The following TRIP12 variants were observed in gnomAD, a reference collection of about 807,000 sequenced individuals.
TRIP12 encodes E3 ubiquitin-protein ligase TRIP12.
TRIP12 carries 25 observed loss-of-function variants against 244.2 expected under a neutral mutation model. The observed-to-expected ratio is 0.10, with a 90% CI of 0.07 to 0.14. The LOEUF is 0.14. TRIP12 is among the 10% of genes least tolerant of loss of function. The probability of loss-of-function intolerance (pLI) is 1.00; values close to 1 mark genes in which losing one functional copy is unlikely to be tolerated. For missense variants in TRIP12, 1,677 were observed against 2,486.4 expected, an observed-to-expected ratio of 0.67 and a Z score of 6.92; for synonymous variants, 905 against 873.1, an observed-to-expected ratio of 1.04 and a Z score of -0.64.
chr2:229,920,959 T>C (rs919652746), intron 1 of TRIP12, among the ~76,000 whole-genome samples: 3 of 152,186 alleles, frequency 2.0e-5, no homozygotes, highest in African/African-American at 7.2e-5. Flanking sequence ...AATCCACATA[T>C]AAATAAATTA....
At chr2:229,867,171 G>GTTTTTTTTTTTTTTTTTTTTTTTTTTTT (rs11335613) in intron 2 of TRIP12, among the ~76,000 whole-genome samples, 1 of 123,536 alleles carries the variant, frequency 8.1e-6, no homozygotes, top group Non-Finnish European at 1.6e-5. Context: ...TTGTTTGTTT[G>GTTTTTTTTTTTTTTTTTTTTTTTTTTTT]TTTTTTTTTT....
At chr2:229,832,926 G>A (rs1027206539) in intron 6 of TRIP12, among the ~76,000 whole-genome samples, 5 of 151,912 alleles carry the variant, frequency 3.3e-5, no homozygotes, top group East Asian at 1.9e-4. Flanking sequence ...AGCAAATACC[G>A]AGTTTTAACA....
intron 30 of TRIP12, among the ~76,000 whole-genome samples, chr2:229,790,081 GTTTAAA>G (rs893733740): frequency 1.3e-5 from 2 of 152,072 alleles, no homozygotes; most frequent in African/African-American, 4.8e-5. Flanking sequence ...AAAACAAACT[GTTTAAA>G]TTTAAGTTCA....
At chr2:229,914,190 G>A (rs746732913) in intron 1 of TRIP12, among the ~76,000 whole-genome samples, 5 of 151,976 alleles carry the variant, frequency 3.3e-5, no homozygotes, top group Non-Finnish European at 7.4e-5. Flanking sequence ...GGGCGGCAAA[G>A]CAAAACTCTG....
intron 2 of TRIP12, among the ~76,000 whole-genome samples, chr2:229,867,639 T>C (rs143132762): frequency 1.6e-4 from 24 of 152,308 alleles, no homozygotes; most frequent in African/African-American, 5.8e-4. Flanking sequence ...TTTGTATATA[T>C]ATTTTTAAGT....
At chr2:229,886,958 AAAAAGAAATCATGACACACAGT>A (rs1382740530) in intron 1 of TRIP12, among the ~76,000 whole-genome samples, 3 of 152,220 alleles carry the variant, frequency 2.0e-5, no homozygotes, top group African/African-American at 7.2e-5. Context: ...TAACCTTCTT[AAAAAGAAATCATGACACACAGT>A]AAGTTAAAAT....
In TRIP12 at chr2:229,808,204, G is replaced by C. The variant is rs2046363666; in HGVS notation, c.2339+48C>G. 3.6e-6 allele frequency: 5 copies of C among 1,383,044 alleles called. No individual in the cohort carries two copies. The East Asian group carries it at 6.9e-5, about 19-fold the overall frequency. 85.7% of individuals were successfully genotyped at this position (1,383,044 alleles called of 1,614,324 possible). A position where few individuals can be genotyped will look rare whatever the true frequency, so the allele number is the denominator to read the frequency against. On this transcript the variant is annotated intron_variant, in intron 16 of 41. Coordinates refer to ENST00000675903, the MANE Select transcript of TRIP12 (RefSeq NM_001348323.3). ...GCTGGTCTCGAACTCCTGACCTCGT[G>C]ATTCACCCGCCTTGGCCTCCCAAAG...
intron 4 of TRIP12, among the ~76,000 whole-genome samples, chr2:229,848,252 T>C (rs375857782): frequency 7.9e-5 from 12 of 152,000 alleles, no homozygotes; most frequent in African/African-American, 2.9e-4. Flanking sequence ...AACCAGGAAT[T>C]ACCAGAATTA....
chr2:229,829,503 A>T (rs571657827), intron 7 of TRIP12, among the ~76,000 whole-genome samples: 14 of 152,360 alleles, frequency 9.2e-5, no homozygotes, highest in African/African-American at 3.1e-4. Context: ...GAAAAATCTA[A>T]GGTAAATATT....
chr2:229,895,083 A>T (rs2154364967), intron 1 of TRIP12, among the ~76,000 whole-genome samples: 1 of 152,348 alleles, frequency 6.6e-6, no homozygotes, highest in East Asian at 1.9e-4. Flanking sequence ...CAGATAGGAG[A>T]ATTATCAGAT....
chr2:229,771,117 T>C (rs897830215), intron 39 of TRIP12, among the ~76,000 whole-genome samples: 10 of 152,240 alleles, frequency 6.6e-5, no homozygotes, highest in Admixed American at 5.9e-4. Flanking sequence ...GGACTAACTT[T>C]GATTGTGAAA....
intron 1 of TRIP12, among the ~76,000 whole-genome samples, chr2:229,905,018 T>TA (rs889577399): frequency 1.2e-4 from 18 of 152,222 alleles, no homozygotes; most frequent in African/African-American, 4.1e-4. Context: ...CTGATGCCTG[T>TA]AATCCCAGCA....
intron 2 of TRIP12, among the ~76,000 whole-genome samples, chr2:229,864,986 C>A (rs2061247886): frequency 6.6e-6 from 1 of 152,070 alleles, no homozygotes; most frequent in African/African-American, 2.4e-5. Context: ...CAGAGGACAT[C>A]TAAAAGAGAC....
intron 1 of TRIP12, among the ~76,000 whole-genome samples, chr2:229,906,655 G>A (rs1457664473): frequency 2.0e-5 from 3 of 151,018 alleles, no homozygotes; most frequent in Admixed American, 6.6e-5. Flanking sequence ...GGGAGGCAGA[G>A]GTTGCAGTGA....
chr2:229,874,800 A>G (rs1174075702), intron 2 of TRIP12, among the ~76,000 whole-genome samples: 1 of 152,206 alleles, frequency 6.6e-6, no homozygotes, highest in African/African-American at 2.4e-5. Context: ...GAAGCGTCCC[A>G]ATTTTCTATT....
intron 4 of TRIP12, among the ~76,000 whole-genome samples, chr2:229,854,914 G>C (rs1373923390): frequency 1.3e-5 from 2 of 152,176 alleles, no homozygotes; most frequent in Non-Finnish European, 1.5e-5. Flanking sequence ...ACCTTAGACA[G>C]GTAACTTTAC....
chr2:229,901,423 C>A (rs1371812345), intron 1 of TRIP12, among the ~76,000 whole-genome samples: 1 of 151,188 alleles, frequency 6.6e-6, no homozygotes, highest in African/African-American at 2.4e-5. Context: ...GAGCTCAAGA[C>A]CAGCCTGGCC....
intron 2 of TRIP12, among the ~76,000 whole-genome samples, chr2:229,863,008 T>A (rs1576259316): frequency 6.6e-6 from 1 of 152,032 alleles, no homozygotes; most frequent in African/African-American, 2.4e-5. Flanking sequence ...GGCGGATGTG[T>A]CATGAGGTCA....
intron 1 of TRIP12, among the ~76,000 whole-genome samples, chr2:229,907,702 C>A (rs2073196692): frequency 6.6e-6 from 1 of 152,108 alleles, no homozygotes; most frequent in African/African-American, 2.4e-5. Context: ...TACTCCACAG[C>A]TAAGGCGAGA....
Sources: gnomAD v4.1 joint callset for allele counts (sites outside exome capture counted in the v4.1 genomes callset) on GRCh38, gnomAD v4.1.1 for gene constraint, MANE v1.5 for transcripts, NCBI Gene and HGNC (gene_info 2026-07-23, HGNC 2026-07-21) for gene names.